PCDHA7: variants seen among roughly 807,000 people sequenced by gnomAD.
The protein encoded by PCDHA7 is protocadherin alpha-7.
Under a neutral mutation model 57.2 loss-of-function variants are expected in PCDHA7, and 37 were observed. The observed-to-expected ratio is 0.65, with a 90% CI of 0.50 to 0.85. The LOEUF is 0.85. Among genes scored for constraint, PCDHA7 ranks in the 40% least tolerant of loss-of-function variants. The probability of loss-of-function intolerance (pLI) is 0.00; values close to 1 mark genes in which losing one functional copy is unlikely to be tolerated. For missense variants in PCDHA7, 1,188 were observed against 1,241.8 expected, an observed-to-expected ratio of 0.96 and a Z score of 0.65; for synonymous variants, 553 against 558.8, an observed-to-expected ratio of 0.99 and a Z score of 0.15.
At chr5:140,900,014 T>C (rs1002415971) in intron 1 of PCDHA7, among the ~76,000 whole-genome samples, 1 of 152,032 alleles carries the variant, frequency 6.6e-6, no homozygotes, top group African/African-American at 2.4e-5. Flanking sequence ...CTCACTTTGT[T>C]ACCCAGTTTG....
chr5:140,950,015 T>C (rs2094440217), intron 1 of PCDHA7, among the ~76,000 whole-genome samples: 1 of 151,906 alleles, frequency 6.6e-6, no homozygotes, highest in Admixed American at 6.6e-5. Context: ...TGTACAACCT[T>C]CATAAAATAT....
At chr5:140,837,107 A>G (rs1774915292) in intron 1 of PCDHA7, 1 of 159,760 alleles carries the variant, frequency 6.3e-6, no homozygotes, top group Admixed American at 6.2e-5. Context: ...AATTTAATAT[A>G]TATGTTACCT....
intron 1 of PCDHA7, among the ~76,000 whole-genome samples, chr5:140,898,923 T>G (rs2067045385): frequency 6.6e-6 from 1 of 152,144 alleles, no homozygotes; most frequent in South Asian, 2.1e-4. Flanking sequence ...GTAAGTTGGA[T>G]TCCTAAGTAT....
intron 3 of PCDHA7, among the ~76,000 whole-genome samples, chr5:140,985,279 A>G (rs1168353248): frequency 1.3e-5 from 2 of 152,150 alleles, no homozygotes; most frequent in Non-Finnish European, 2.9e-5. Context: ...CTTTTCTGCA[A>G]TCTATGATAT....
Position 140,842,679 on chromosome 5 carries a change from C to T in PCDHA7, c.2355+5941C>T, listed in dbSNP as rs2150341829. 264 of 1,595,330 alleles carry T rather than the reference C, an allele frequency of 1.7e-4. 16 individuals are homozygous for T. The South Asian group carries it at 1.9e-3, about 12-fold the overall frequency. ...GTGGCCGACGTGAACGACAATGCTCCGGCGTTCGCGCAGCCCGAGTACACG... is the reference window on the plus strand; with the variant it reads ...GTGGCCGACGTGAACGACAATGCTCTGGCGTTCGCGCAGCCCGAGTACACG... On this transcript the variant is annotated intron_variant, in intron 1 of 3. Coordinates refer to ENST00000525929, the MANE Select transcript of PCDHA7 (RefSeq NM_018910.3).
At chr5:140,913,808 A>T (rs1332519291) in intron 1 of PCDHA7, among the ~76,000 whole-genome samples, 1 of 152,102 alleles carries the variant, frequency 6.6e-6, no homozygotes, top group Non-Finnish European at 1.5e-5. Context: ...TCAAATTTTC[A>T]ATTTCCTTTT....
Position 140,836,232 on chromosome 5 carries a change from G to T in PCDHA7, c.1849G>T (p.Gly617Cys). 4 of 1,613,788 alleles carry T rather than the reference G, an allele frequency of 2.5e-6. No homozygotes were observed. In the South Asian group the frequency reaches 3.3e-5, roughly 13 times the overall value. The change falls in exon 1 of 4, where the codon GGT becomes TGT. Residue 617 changes from glycine (G) to cysteine (C), a missense_variant. By Grantham distance (159) the Gly-to-Cys change is radical. Around this residue, in one of 3 missense-constraint regions of PCDHA7, gnomAD observed 892 missense variants for 788.5 expected, o/e 1.13. Transcript: ENST00000525929. ...GTATGAGTTGCAACCGGTGGCGGCCGGTGCGAGCATCCCGTTCCGCGTGGG... is the reference window on the plus strand; with the variant it reads ...GTATGAGTTGCAACCGGTGGCGGCCTGTGCGAGCATCCCGTTCCGCGTGGG... ...LSYELQPVAA[G>C]ASIPFRVGLY...
rs537367595 is a variant in PCDHA7, at chr5:140,855,783, A to G, written c.2355+19045A>G. The G allele has an allele frequency of 2.9e-4, 123 of 423,664 alleles. 6 individuals carry two copies. Among genetic ancestry groups the G allele is most frequent in the Non-Finnish European group, 4.5e-4 (106 of 237,548 alleles). 26.2% of individuals were successfully genotyped at this position (423,664 alleles called of 1,614,324 possible). On this transcript the variant is annotated intron_variant, in intron 1 of 3. Coordinates refer to ENST00000525929, the MANE Select transcript of PCDHA7 (RefSeq NM_018910.3). ...TCCATAGACATAAAAATACGTAAAA[A>G]AAGAATTAACATATGAATGAAAGAA...
chr5:140,902,201 T>C (rs1554190261), intron 1 of PCDHA7, among the ~76,000 whole-genome samples: 1 of 145,052 alleles, frequency 6.9e-6, no homozygotes. Flanking sequence ...CTCTCTCTCT[T>C]TCTTTTTTTT....
At chr5:140,928,994 T>G (rs781964406) in intron 1 of PCDHA7, 2 of 1,613,992 alleles carry the variant, frequency 1.2e-6, no homozygotes, top group Admixed American at 3.3e-5. Flanking sequence ...TGCTTACTTT[T>G]CTTCGTGTGT....
intron 1 of PCDHA7, chr5:140,848,793 G>T: frequency 6.3e-7 from 1 of 1,592,844 alleles, no homozygotes; most frequent in African/African-American, 1.3e-5. Context: ...CGGGCGGAGC[G>T]CGGAGTGCAG....
chr5:140,857,508 C>T, intron 1 of PCDHA7: 3 of 1,598,226 alleles, frequency 1.9e-6, no homozygotes, highest in Non-Finnish European at 2.6e-6. Context: ...CAGGAGAACG[C>T]CCTGGTGTCC....
At chr5:140,969,317 G>C in intron 1 of PCDHA7, 1 of 1,614,156 alleles carries the variant, frequency 6.2e-7, no homozygotes, top group African/African-American at 1.3e-5. Context: ...AAATGAGGCT[G>C]TTTCTCAAAA....
intron 1 of PCDHA7, chr5:140,862,689 C>A: frequency 7.2e-6 from 4 of 554,298 alleles, no homozygotes; most frequent in South Asian, 4.1e-5. Context: ...TGGTGTCCTA[C>A]TCGTTGATGG....
At position 140,834,333 on chromosome 5, in the gene PCDHA7, T is replaced by G. The variant is rs2150215417; in HGVS notation, c.-51T>G. On this transcript the variant is annotated 5_prime_UTR_variant, in exon 1 of 4. Coordinates refer to ENST00000525929, the MANE Select transcript of PCDHA7 (RefSeq NM_018910.3). ...AAATGAAGGGATAAAAACATTCCTA[T>G]AAATTCGAAGGCAAGTTTTGCTGAC... 1.3e-6 allele frequency: 2 copies of G among 1,490,244 alleles called. No homozygotes were observed. Among genetic ancestry groups the G allele is most frequent in the Non-Finnish European group, 9.1e-7 (1 of 1,101,992 alleles). The allele number at this position is 1,490,244 out of a possible 1,614,324, so 92.3% of individuals were successfully genotyped here.
At chr5:140,940,616 G>A (rs1554213527) in intron 1 of PCDHA7, among the ~76,000 whole-genome samples, 3 of 152,002 alleles carry the variant, frequency 2.0e-5, no homozygotes, top group Non-Finnish European at 4.4e-5. Flanking sequence ...CCTGGCTCCT[G>A]CAAATATTCT....
chr5:140,878,728 C>T (rs1554170509), intron 1 of PCDHA7, among the ~76,000 whole-genome samples: 1 of 152,170 alleles, frequency 6.6e-6, no homozygotes, highest in Non-Finnish European at 1.5e-5. Flanking sequence ...AATTTCCAGC[C>T]TTATATCTAC....
At chr5:140,950,195 C>A (rs186601471) in intron 1 of PCDHA7, among the ~76,000 whole-genome samples, 1 of 152,028 alleles carries the variant, frequency 6.6e-6, no homozygotes, top group Non-Finnish European at 1.5e-5. Context: ...AAAAAATAGT[C>A]ATTTCTGTTT....
Position 140,938,565 on chromosome 5 carries a change from A to G in PCDHA7, c.2356-40384A>G, listed in dbSNP as rs1347602327. Among the ~76,000 whole-genome samples the G allele has an allele frequency of 2.0e-5, 3 of 151,630 alleles. No individual in the cohort carries two copies. The East Asian group carries it at 5.8e-4, about 29-fold the overall frequency. On this transcript the variant is annotated intron_variant, in intron 1 of 3. Coordinates refer to ENST00000525929, the MANE Select transcript of PCDHA7 (RefSeq NM_018910.3). ...TTTTATCCTTTTATTAATAGCATGC[A>G]TTATATTGGTTGATTTGTTAATGAT...
Sources: gnomAD v4.1 joint callset for allele counts (sites outside exome capture counted in the v4.1 genomes callset) on GRCh38, gnomAD v4.1.1 for gene constraint, gnomAD v4.1.1 regional missense constraint, MANE v1.5 for transcripts, NCBI Gene and HGNC (gene_info 2026-07-23, HGNC 2026-07-21) for gene names.